TMEM63A: variants seen among roughly 807,000 people sequenced by gnomAD.
TMEM63A encodes transmembrane protein 63A, also known as mechanosensitive cation channel TMEM63A.
A neutral mutation model predicts 100.6 loss-of-function variants in TMEM63A; 76 were observed. That is an observed-to-expected ratio of 0.76 (90% CI 0.63 to 0.91). The LOEUF (loss-of-function observed/expected upper bound fraction) is 0.91. Among genes scored for constraint, TMEM63A ranks in the 40% least tolerant of loss-of-function variants. The probability of loss-of-function intolerance (pLI) is 0.00; values close to 1 mark genes in which losing one functional copy is unlikely to be tolerated. For missense variants in TMEM63A, 876 were observed against 1,008.8 expected (o/e 0.87, Z 1.78); for synonymous variants, 401 against 401.1 (o/e 1.00, Z 0.00).
Position 225,847,110 on chromosome 1 carries a change from C to T in TMEM63A, c.2354G>A (p.Gly785Glu), listed in dbSNP as rs776152722. The change falls in exon 24 of 25, where the codon GGG (glycine) becomes GAG (glutamate). Residue 785 changes from glycine to glutamate, a missense_variant. Transcript: ENST00000366835. Reference sequence around the variant, plus strand: ...CGCCAAGCACTGTCCAGGGATAGTCCCGCTGATGTTGTGGATGGCACCATA... The same window carrying T: ...CGCCAAGCACTGTCCAGGGATAGTCTCGCTGATGTTGTGGATGGCACCATA... ...QTYGAIHNIS[G>E]TIPGQCLAQS... The T allele has an allele frequency of 2.4e-5, 38 of 1,613,796 alleles. No individual in the cohort carries two copies. The highest frequency in any genetic ancestry group is 3.1e-5 in the Non-Finnish European group (37 of 1,180,040).
chr1:225,844,560 T>C, downstream of TMEM63A: 8 of 1,614,002 alleles, frequency 5.0e-6, no homozygotes, highest in Non-Finnish European at 5.9e-6. Context: ...GGCACCATCA[T>C]CTCCTCCCAG....
chr1:225,858,264 C>A (rs1669737449), intron 15 of TMEM63A, among the ~76,000 whole-genome samples: 1 of 150,694 alleles, frequency 6.6e-6, no homozygotes, highest in African/African-American at 2.4e-5. Flanking sequence ...GCTGTTATCT[C>A]ATTGATTCAT....
At chr1:225,875,664 C>T (rs903442075) in intron 3 of TMEM63A, among the ~76,000 whole-genome samples, 11 of 152,140 alleles carry the variant, frequency 7.2e-5, no homozygotes, top group Admixed American at 3.9e-4. Context: ...CAGCGGCTGC[C>T]GCCCTGGCCT....
Position 225,853,817 on chromosome 1 carries a change from T to A in TMEM63A, c.1635-26A>T. ...CTGGGGAAACCAGGGCCCAGGTCTGTGAGCTGAGAGCCGCTCTTGGAGGGA... is the reference window on the plus strand; with the variant it reads ...CTGGGGAAACCAGGGCCCAGGTCTGAGAGCTGAGAGCCGCTCTTGGAGGGA... On this transcript the variant is annotated intron_variant, in intron 18 of 24. Transcript: ENST00000366835. This position sits in a 1 kb window ranked among gnomAD's most constrained non-coding sequence, Gnocchi z 4.0. 1 of 1,565,506 alleles carries A rather than the reference T, an allele frequency of 6.4e-7. No homozygotes were observed. Among genetic ancestry groups the A allele is most frequent in the Admixed American group, 1.9e-5 (1 of 53,332 alleles).
At chr1:225,880,728 G>A (rs1671047697) in intron 1 of TMEM63A, among the ~76,000 whole-genome samples, 1 of 152,208 alleles carries the variant, frequency 6.6e-6, no homozygotes, top group African/African-American at 2.4e-5. Context: ...CAACCCATGT[G>A]CAGGCAAGCG....
intron 2 of TMEM63A, among the ~76,000 whole-genome samples, chr1:225,878,539 T>C (rs763902075): frequency 1.5e-4 from 23 of 152,146 alleles, no homozygotes; most frequent in African/African-American, 3.4e-4. Flanking sequence ...GTGAAGCTAA[T>C]AGAAATCTCC....
chr1:225,862,096 A>C lies in TMEM63A; in HGVS notation c.1085+122T>G. ...GGTAGCTGAGGGAGGAGAAGGAAACACCACAGATAAATCCCAGGGATGGTG... is the reference window on the plus strand; with the variant it reads ...GGTAGCTGAGGGAGGAGAAGGAAACCCCACAGATAAATCCCAGGGATGGTG... On this transcript the variant is annotated intron_variant, in intron 13 of 24. Coordinates refer to ENST00000366835, the MANE Select transcript of TMEM63A (RefSeq NM_014698.3). The surrounding 1 kb of genome is among the most constrained non-coding windows in gnomAD (Gnocchi z 5.1). The C allele has an allele frequency of 7.0e-7, 1 of 1,423,054 alleles. No homozygotes were observed. Among genetic ancestry groups the C allele is most frequent in the Non-Finnish European group, 9.5e-7 (1 of 1,054,614 alleles). 88.2% of individuals were successfully genotyped at this position (1,423,054 alleles called of 1,614,324 possible).
At position 225,853,476 on chromosome 1, in the gene TMEM63A, G is replaced by A. The variant is rs951427190; in HGVS notation, c.1797+153C>T. On this transcript the variant is annotated intron_variant, in intron 19 of 24. Coordinates refer to ENST00000366835, the MANE Select transcript of TMEM63A (RefSeq NM_014698.3). This position sits in a 1 kb window ranked among gnomAD's most constrained non-coding sequence, Gnocchi z 4.0. ...GGAGGCCACGCCTGCCTGGACCCGG[G>A]TTTGAGAAGCACTTAGCCCAGTGCC... Among the ~76,000 whole-genome samples, 1 of 152,260 alleles carries A rather than the reference G, an allele frequency of 6.6e-6. No homozygotes were observed. The highest frequency in any genetic ancestry group is 3.4e-3 in the Middle Eastern group (1 of 294).
At position 225,867,760 on chromosome 1, in the gene TMEM63A, C is replaced by A. The variant is rs1403219894; in HGVS notation, c.514+128G>T. On this transcript the variant is annotated intron_variant, in intron 7 of 24. Coordinates refer to ENST00000366835, the MANE Select transcript of TMEM63A (RefSeq NM_014698.3). This position sits in a 1 kb window ranked among gnomAD's most constrained non-coding sequence, Gnocchi z 4.6. ...AATCAGATAGAAATGTTCAGAGTCACCCTGAGACCATCTTACATCTGAAGT... is the reference window on the plus strand; with the variant it reads ...AATCAGATAGAAATGTTCAGAGTCAACCTGAGACCATCTTACATCTGAAGT... 3 of 1,299,194 alleles carry A rather than the reference C, an allele frequency of 2.3e-6. No individual in the cohort carries two copies. In the East Asian group the frequency reaches 7.5e-5, roughly 33 times the overall value. The allele number at this position is 1,299,194 out of a possible 1,614,324, so 80.5% of individuals were successfully genotyped here.
intron 6 of TMEM63A, 90 bp from the exon 7 acceptor site, chr1:225,868,120 T>C: frequency 6.7e-7 from 1 of 1,500,598 alleles, no homozygotes; most frequent in South Asian, 1.3e-5. Flanking sequence ...ACCACACTCT[T>C]ATGAGATGGT....
rs112977550 is a variant in TMEM63A, at chr1:225,877,034, C to T, written c.186+361G>A. ...GAACTGCAGCTGCTCTATTCTAGTC[C>T]GTACTCTCCAGTCACATGTCTCAAC... is the stretch of plus-strand genomic sequence containing the variant. On this transcript the variant is annotated intron_variant, in intron 3 of 24. Transcript: ENST00000366835. Among the ~76,000 whole-genome samples, 778 of 152,222 alleles carry T rather than the reference C, an allele frequency of 5.1e-3. 10 individuals carry two copies. Among genetic ancestry groups the T allele is most frequent in the African/African-American group, 0.018 (734 of 41,514 alleles).
At chr1:225,842,276 C>A, downstream of TMEM63A, 1 of 996,596 alleles carries the variant, frequency 1.0e-6, no homozygotes, top group Non-Finnish European at 1.6e-6. Context: ...CAGCCCCGCC[C>A]TCTGCGGCCA....
At chr1:225,847,585 A>G (rs769787287) in intron 23 of TMEM63A, 17 of 172,926 alleles carry the variant, frequency 9.8e-5, no homozygotes, top group Non-Finnish European at 2.0e-4. Context: ...GATGCTCAAC[A>G]TATCTGTGTG....
In TMEM63A at chr1:225,862,720, G is replaced by T; in HGVS notation, c.827+51C>A. ...GCCTCCCTTCCTAGCTGGGAGATGC[G>T]AGGCCAGCAAGGAAGGAGGGGGCAT... On this transcript the variant is annotated intron_variant, in intron 11 of 24. Transcript: ENST00000366835. This position sits in a 1 kb window ranked among gnomAD's most constrained non-coding sequence, Gnocchi z 5.1. 4 of 1,612,354 alleles carry T rather than the reference G, an allele frequency of 2.5e-6. No homozygotes were observed. Among genetic ancestry groups the T allele is most frequent in the Middle Eastern group, 3.4e-4 (2 of 5,930 alleles).
At chr1:225,878,889 C>CACACAT (rs1670952528) in intron 2 of TMEM63A, among the ~76,000 whole-genome samples, 1 of 41,542 alleles carries the variant, frequency 2.4e-5, no homozygotes, top group Non-Finnish European at 6.8e-5. Flanking sequence ...CCTACCTACA[C>CACACAT]ACACACACAC....
chr1:225,859,623 G>T, intron 14 of TMEM63A: 1 of 425,958 alleles, frequency 2.3e-6, no homozygotes, highest in South Asian at 3.4e-5. Flanking sequence ...CAAGGCTCCA[G>T]CATGGCATTT....
In TMEM63A at chr1:225,845,738, G is replaced by A. The variant is rs45616640; in HGVS notation, c.*1201C>T. On this transcript the variant is annotated 3_prime_UTR_variant, in exon 25 of 25. Transcript: ENST00000366835. ...TGGCACCGCCCCCACCCCTCCCAGC[G>A]CAGGGGCAGCTTGGAGCAGAGGCAG... 14,318 of 336,074 alleles carry A rather than the reference G, an allele frequency of 0.043. 346 individuals are homozygous for A. Among genetic ancestry groups the A allele is most frequent in the Middle Eastern group, 0.071 (72 of 1,014 alleles). The allele number at this position is 336,074 out of a possible 1,614,324, so 20.8% of individuals were successfully genotyped here.
In TMEM63A at chr1:225,862,921, C is replaced by T; in HGVS notation, c.747-70G>A. The T allele has an allele frequency of 1.4e-6, 2 of 1,421,730 alleles. No homozygotes were observed. The highest frequency in any genetic ancestry group is 2.4e-5 in the South Asian group (2 of 82,828). 88.1% of individuals were successfully genotyped at this position (1,421,730 alleles called of 1,614,324 possible). A position where few individuals can be genotyped will look rare whatever the true frequency, so the allele number is the denominator to read the frequency against. On this transcript the variant is annotated intron_variant, in intron 10 of 24. Coordinates refer to ENST00000366835, the MANE Select transcript of TMEM63A (RefSeq NM_014698.3). This position sits in a 1 kb window ranked among gnomAD's most constrained non-coding sequence, Gnocchi z 5.1. ...AAAACACCCCAAGCAGGAGACGTGC[C>T]CACGGATCCAAGGGAAAGGATGGCA...
Position 225,871,069 on chromosome 1 carries a change from T to A in TMEM63A, c.371+7A>T, listed in dbSNP as rs891332293. 5 of 1,613,690 alleles carry A rather than the reference T, an allele frequency of 3.1e-6. No homozygotes were observed. The African/African-American group carries it at 5.3e-5, about 17-fold the overall frequency. On this transcript the variant is annotated splice_region_variant and intron_variant, in intron 6 of 24. Transcript: ENST00000366835. ...GCCCCCCAGCAGCTGCCCCCGGGTG[T>A]ACTCACTGCAGACGGAAGATGGCAG... is the stretch of plus-strand genomic sequence containing the variant.
Sources: gnomAD v4.1 joint callset for allele counts (sites outside exome capture counted in the v4.1 genomes callset) on GRCh38, gnomAD v4.1.1 for gene constraint, Gnocchi (gnomAD v3.1) non-coding constraint, MANE v1.5 for transcripts, NCBI Gene and HGNC (gene_info 2026-07-23, HGNC 2026-07-21) for gene names.